Variants in AFDN observed in about 807,000 individuals in gnomAD.
The protein encoded by AFDN is afadin, adherens junction formation factor.
A neutral mutation model predicts 216.6 loss-of-function variants in AFDN; 68 were observed. That is an observed-to-expected ratio of 0.31 (90% CI 0.26 to 0.38). The LOEUF (loss-of-function observed/expected upper bound fraction) is 0.38. AFDN is among the 10% of genes least tolerant of loss of function. The pLI, the probability that AFDN is intolerant of heterozygous loss-of-function variation, is 1.00. For missense variants in AFDN, 2,136 were observed against 2,342.0 expected (o/e 0.91, Z 1.82); for synonymous variants, 868 against 853.7 (o/e 1.02, Z -0.29).
chr6:167,849,685 G>GTA (rs1782084320), intron 1 of AFDN, among the ~76,000 whole-genome samples: 1 of 152,132 alleles, frequency 6.6e-6, no homozygotes, highest in Non-Finnish European at 1.5e-5. Flanking sequence ...TTATTTAACA[G>GTA]TATAGAAGAT....
At chr6:167,850,797 T>C (rs1374929847) in intron 1 of AFDN, among the ~76,000 whole-genome samples, 2 of 152,252 alleles carry the variant, frequency 1.3e-5, no homozygotes, top group Admixed American at 6.5e-5. Flanking sequence ...TAATTTTGTG[T>C]ATAGGTTGAT....
intron 23 of AFDN, among the ~76,000 whole-genome samples, chr6:167,941,568 GGT>G (rs1344757857): frequency 3.9e-4 from 13 of 33,130 alleles, no homozygotes; most frequent in African/African-American, 2.1e-3. Flanking sequence ...CCACAGGAGA[GGT>G]GTGTGGACAG....
intron 1 of AFDN, among the ~76,000 whole-genome samples, chr6:167,837,294 T>C (rs1780555163): frequency 6.6e-6 from 1 of 152,192 alleles, no homozygotes; most frequent in South Asian, 2.1e-4. Flanking sequence ...CAAATATGCT[T>C]ATTTTAGAGC....
chr6:167,926,656 A>T (rs1269026424), intron 23 of AFDN, among the ~76,000 whole-genome samples: 17 of 152,220 alleles, frequency 1.1e-4, no homozygotes. Context: ...GATCTCGATC[A>T]AACTCCTGGC....
In AFDN at chr6:167,952,014, C is replaced by G. The variant is rs775327784; in HGVS notation, c.4660C>G (p.Pro1554Ala). The G allele has an allele frequency of 6.2e-6, 10 of 1,614,090 alleles. No homozygotes were observed. The South Asian group carries it at 7.7e-5, about 12-fold the overall frequency. The part of the protein sequence containing the change: ...SKEIQELQSK[P>A]DRSAEESDRL... ...GGAGATCCAGGAGCTCCAGAGCAAA[C>G]CGGACCGCAGCGCCGAGGAGAGCGA... The change falls in exon 30 of 34, where the codon CCG becomes GCG. Residue 1554 changes from proline to alanine, a missense_variant. By Grantham distance (27) the Pro-to-Ala change is conservative. Around this residue, in one of 8 missense-constraint regions of AFDN, gnomAD observed 981 missense variants for 966.0 expected, o/e 1.02. Coordinates refer to ENST00000683244, the MANE Select transcript of AFDN (RefSeq NM_001386888.1).
At position 167,889,212 on chromosome 6, in the gene AFDN, T is replaced by TG; in HGVS notation, c.898-3_898-2insG. 1 of 1,610,350 alleles carries TG rather than the reference T, an allele frequency of 6.2e-7. No homozygotes were observed. Among genetic ancestry groups the TG allele is most frequent in the Non-Finnish European group, 8.5e-7 (1 of 1,177,774 alleles). ...TCATAGTTAATTATTTTTGTTTTTT[T>TG]AGGTTATGCTTCCTCCTGGAGCCCA... On this transcript the variant is annotated splice_region_variant and splice_polypyrimidine_tract_variant and intron_variant, in intron 6 of 33. Transcript: ENST00000683244.
At chr6:167,886,570 A>G (rs1215227935) in intron 6 of AFDN, among the ~76,000 whole-genome samples, 1 of 152,196 alleles carries the variant, frequency 6.6e-6, no homozygotes, top group Non-Finnish European at 1.5e-5. Context: ...ATCCCTTACC[A>G]TTCACAAGAA....
At chr6:167,917,329 A>C in intron 20 of AFDN, 97 bp downstream of exon 20, 1 of 1,237,294 alleles carries the variant, frequency 8.1e-7, no homozygotes, top group Non-Finnish European at 1.1e-6. Context: ...TAATACGTTA[A>C]CTTATTTATT....
rs1791994330 is a variant in AFDN at position 167,922,784 on chromosome 6, GTAAT to G, written c.2909-67_2909-64del. 4.1e-6 allele frequency: 4 copies of G among 975,112 alleles called. No individual in the cohort carries two copies. The Admixed American group carries it at 5.5e-5, about 13-fold the overall frequency. 60.4% of individuals were successfully genotyped at this position (975,112 alleles called of 1,614,324 possible). ...CCGTGTGTTGGATATTAAGCAATTG[GTAAT>G]TAATCTTGCTTCCTTTATCTTGACA... On this transcript the variant is annotated intron_variant, in intron 21 of 33. Coordinates refer to ENST00000683244, the MANE Select transcript of AFDN (RefSeq NM_001386888.1).
At chr6:167,916,736 A>C (rs748770714) in intron 19 of AFDN, among the ~76,000 whole-genome samples, 1 of 152,112 alleles carries the variant, frequency 6.6e-6, no homozygotes, top group Non-Finnish European at 1.5e-5. Flanking sequence ...ACAGCTGGTT[A>C]TGAAAAGTCA....
chr6:167,962,742 A>G lies in AFDN; in HGVS notation c.4968+175A>G. 2 of 1,486,058 alleles carry G rather than the reference A, an allele frequency of 1.3e-6. No homozygotes were observed. The highest frequency in any genetic ancestry group is 1.8e-6 in the Non-Finnish European group (2 of 1,122,212). 92.1% of individuals were successfully genotyped at this position (1,486,058 alleles called of 1,614,324 possible). ...CAACTTTACCCCATCTGGCCCACCT[A>G]CCTCTCTTCTGGACTGTCTCCAGAT... is the stretch of plus-strand genomic sequence containing the variant. On this transcript the variant is annotated intron_variant, in intron 31 of 33. Coordinates refer to ENST00000683244, the MANE Select transcript of AFDN (RefSeq NM_001386888.1). This position sits in a 1 kb window ranked among gnomAD's most constrained non-coding sequence, Gnocchi z 5.2.
chr6:167,918,602 G>A (rs747135409), intron 20 of AFDN, 133 bp from the exon 21 acceptor site: 74 of 824,166 alleles, frequency 9.0e-5, no homozygotes, highest in Non-Finnish European at 1.3e-4. Context: ...GTAACCCTGC[G>A]TCTGTCTGTG....
At position 167,914,634 on chromosome 6, in the gene AFDN, G is replaced by T. The variant is rs561950313; in HGVS notation, c.2205-10G>T. On this transcript the variant is annotated splice_polypyrimidine_tract_variant and intron_variant, in intron 17 of 33. Transcript: ENST00000683244. Reference sequence around the variant, plus strand: ...TGCTAAGATTACTTAAATTGTCTATGTATTTTCAGATACTTGGTTCACTGT... The same window carrying T: ...TGCTAAGATTACTTAAATTGTCTATTTATTTTCAGATACTTGGTTCACTGT... 5.7e-6 allele frequency: 9 copies of T among 1,572,120 alleles called. No homozygotes were observed. The highest frequency in any genetic ancestry group is 7.9e-6 in the Non-Finnish European group (9 of 1,142,518).
intron 5 of AFDN, among the ~76,000 whole-genome samples, chr6:167,877,285 C>T (rs922604162): frequency 3.3e-5 from 5 of 152,104 alleles, no homozygotes; most frequent in African/African-American, 9.7e-5. Flanking sequence ...TTATGTTTGT[C>T]ACATAAAGTG....
At chr6:167,949,752 G>T (rs1335896893) in intron 29 of AFDN, among the ~76,000 whole-genome samples, 1 of 152,194 alleles carries the variant, frequency 6.6e-6, no homozygotes, top group Non-Finnish European at 1.5e-5. Context: ...AATTTGTAGT[G>T]CATACATTGA....
rs569940631 is a variant in AFDN at position 167,962,857 on chromosome 6, C to G, written c.4968+290C>G. 1 of 1,232,412 alleles carries G rather than the reference C, an allele frequency of 8.1e-7. No individual in the cohort carries two copies. The highest frequency in any genetic ancestry group is 1.5e-5 in the African/African-American group (1 of 67,404). 76.3% of individuals were successfully genotyped at this position (1,232,412 alleles called of 1,614,324 possible). On this transcript the variant is annotated intron_variant, in intron 31 of 33. Coordinates refer to ENST00000683244, the MANE Select transcript of AFDN (RefSeq NM_001386888.1). The surrounding 1 kb of genome is among the most constrained non-coding windows in gnomAD (Gnocchi z 5.2). ...CCTCTTTGCAAAGGGTTCGTTTCCTCGGGCACTCATCTTTACTGAACATGG... is the reference window on the plus strand; with the variant it reads ...CCTCTTTGCAAAGGGTTCGTTTCCTGGGGCACTCATCTTTACTGAACATGG...
chr6:167,931,502 A>T (rs977609562), intron 23 of AFDN, among the ~76,000 whole-genome samples: 2 of 152,200 alleles, frequency 1.3e-5, no homozygotes, highest in African/African-American at 4.8e-5. Flanking sequence ...TGGACAGTGT[A>T]ACATTTTCAG....
chr6:167,919,002 A>G (rs1392671645), intron 21 of AFDN, 69 bp downstream of exon 21: 2 of 1,357,846 alleles, frequency 1.5e-6, no homozygotes, highest in East Asian at 2.5e-5. Flanking sequence ...TTCATTGTCC[A>G]TCTCATAGGG....
intron 23 of AFDN, among the ~76,000 whole-genome samples, chr6:167,933,821 C>T (rs1793627541): frequency 6.6e-6 from 1 of 152,210 alleles, no homozygotes. Context: ...TGTTGATCCT[C>T]TAAAGAGCCA....
Sources: allele counts gnomAD v4.1 joint callset (sites outside exome capture counted in the v4.1 genomes callset), GRCh38; gene constraint gnomAD v4.1.1; regional missense constraint gnomAD v4.1.1; non-coding constraint Gnocchi (gnomAD v3.1); transcripts MANE v1.5; gene names NCBI Gene and HGNC (gene_info 2026-07-23, HGNC 2026-07-21).